The following DYNC2I1 variants were observed in gnomAD, a reference collection of about 807,000 sequenced individuals.
DYNC2I1 encodes the protein cytoplasmic dynein 2 intermediate chain 1.
A neutral mutation model predicts 133.4 loss-of-function variants in DYNC2I1; 89 were observed. That is an observed-to-expected ratio of 0.67 (90% CI 0.56 to 0.80). The LOEUF is 0.80. DYNC2I1 is among the 30% of genes least tolerant of loss of function. The probability of loss-of-function intolerance (pLI) is 0.00; values close to 1 mark genes in which losing one functional copy is unlikely to be tolerated. For synonymous variants in DYNC2I1, 504 were observed against 484.3 expected (o/e 1.04, Z -0.54); for missense variants, 1,291 against 1,314.5 (o/e 0.98, Z 0.28).
chr7:158,945,530 G>C lies in DYNC2I1; in HGVS notation c.3003-51G>C. 2.0e-6 allele frequency: 3 copies of C among 1,535,812 alleles called. 1 individual carries two copies. The South Asian group carries it at 3.6e-5, about 19-fold the overall frequency. ...ACATTTTGAAGACTCAGACAGAACC[G>C]AATGTCCCTTTGTGTGCACTGACCC... On this transcript the variant is annotated intron_variant, in intron 24 of 24. Coordinates refer to ENST00000407559, the MANE Select transcript of DYNC2I1 (RefSeq NM_018051.5). This position sits in a 1 kb window ranked among gnomAD's most constrained non-coding sequence, Gnocchi z 4.1.
chr7:158,923,766 G>A (rs746419034), intron 17 of DYNC2I1, 33 bp downstream of exon 17: 16 of 1,583,936 alleles, frequency 1.0e-5, no homozygotes, highest in African/African-American at 1.4e-5. Context: ...TTGTGTGTCT[G>A]CTAGAAAAGC....
intron 4 of DYNC2I1, among the ~76,000 whole-genome samples, chr7:158,951,917 T>G (rs144348332): frequency 3.3e-5 from 5 of 152,178 alleles, no homozygotes; most frequent in African/African-American, 1.2e-4. Flanking sequence ...TTCTGGAGCC[T>G]CCGTGTTGAC....
At chr7:158,887,542 G>A (rs1313164893) in intron 7 of DYNC2I1, among the ~76,000 whole-genome samples, 5 of 152,192 alleles carry the variant, frequency 3.3e-5, no homozygotes, top group Non-Finnish European at 7.3e-5. Context: ...CCCACTTTCA[G>A]TAACAGGTAG....
intron 23 of DYNC2I1, among the ~76,000 whole-genome samples, chr7:158,935,713 G>C (rs887156703): frequency 9.9e-5 from 15 of 152,216 alleles, no homozygotes; most frequent in African/African-American, 3.6e-4. Context: ...GCTGGGATGT[G>C]CTGGAGGTGT....
In DYNC2I1 at chr7:158,879,917, T is replaced by A. The variant is rs776758921; in HGVS notation, c.807T>A (p.Asp269Glu). The change falls in exon 5 of 25, where the codon GAT becomes GAA. Residue 269 changes from aspartate to glutamate, a missense_variant. By Grantham distance (45) the Asp-to-Glu change is conservative. Coordinates refer to ENST00000407559, the MANE Select transcript of DYNC2I1 (RefSeq NM_018051.5). ...KRHKEGFHFD[D>E]ERHQSNVDRK... is the part of the protein sequence containing the mutation. ...ACAAAGAAGGTTTTCATTTTGATGA[T>A]GAGAGGCACCAAAGCAACGTGGATA... is the stretch of plus-strand genomic sequence containing the variant. 1.9e-6 allele frequency: 3 copies of A among 1,612,532 alleles called. No individual in the cohort carries two copies. The highest frequency in any genetic ancestry group is 3.4e-5 in the Admixed American group (2 of 59,542).
chr7:158,876,680 C>T lies in DYNC2I1; in HGVS notation c.562C>T (p.Arg188Ter), dbSNP rs750540944. The change falls in exon 4 of 25, where the codon CGA becomes TGA. Residue 188 changes from arginine (R) to a stop codon, truncating the protein, a stop_gained. Transcript: ENST00000407559. LOFTEE classifies it high-confidence loss of function. ...AGATGAAGATAGAGAAAGAAGATACCGAGAAAGAAAGGTATACGAAGCAAG... is the reference window on the plus strand; with the variant it reads ...AGATGAAGATAGAGAAAGAAGATACTGAGAAAGAAAGGTATACGAAGCAAG... ...RGDEDRERRY[R>*]ERKLQYGDSK... is the part of the protein sequence containing the mutation. 6.4e-6 allele frequency: 10 copies of T among 1,564,142 alleles called. No individual in the cohort carries two copies. Among genetic ancestry groups the T allele is most frequent in the East Asian group, 2.3e-5 (1 of 43,056 alleles).
intron 5 of DYNC2I1, 65 bp downstream of exon 5, chr7:158,880,054 T>C: frequency 6.6e-7 from 1 of 1,520,826 alleles, no homozygotes; most frequent in Middle Eastern, 1.8e-4. Flanking sequence ...AGAGGAGGCT[T>C]ACCGGGCGGT....
intron 5 of DYNC2I1, 103 bp from the exon 6 acceptor site, chr7:158,884,461 G>A (rs903423647): frequency 1.9e-6 from 2 of 1,053,386 alleles, no homozygotes; most frequent in African/African-American, 1.6e-5. Context: ...ACATGCTGTT[G>A]TTAAATTTTG....
rs778102381 is a variant in DYNC2I1, at chr7:158,871,313, C to T, written c.241C>T (p.Arg81Cys). 32 of 1,566,588 alleles carry T rather than the reference C, an allele frequency of 2.0e-5. No homozygotes were observed. Among genetic ancestry groups the T allele is most frequent in the Middle Eastern group, 1.7e-4 (1 of 6,000 alleles). Residue 81 changes from arginine (R) to cysteine (C), a missense_variant, in exon 3 of 25, where the codon CGT becomes TGT. By Grantham distance (180) the Arg-to-Cys change is radical. Coordinates refer to ENST00000407559, the MANE Select transcript of DYNC2I1 (RefSeq NM_018051.5). The stretch of plus-strand genomic sequence containing the variant: ...AGTCCACACCGCTAAGGAGAGTCCT[C>T]GTGGGGAGAGGGACAGAGACAGACA... ...AEVHTAKESP[R>C]GERDRDRQRE...
At chr7:158,892,992 C>T (rs1845383849) in intron 8 of DYNC2I1, among the ~76,000 whole-genome samples, 1 of 151,918 alleles carries the variant, frequency 6.6e-6, no homozygotes, top group Non-Finnish European at 1.5e-5. Flanking sequence ...CATATACCCC[C>T]TCGCCCCCAC....
chr7:158,925,620 T>G (rs187078468), intron 17 of DYNC2I1, among the ~76,000 whole-genome samples: 2 of 152,222 alleles, frequency 1.3e-5, no homozygotes, highest in African/African-American at 2.4e-5. Flanking sequence ...CTTTATTGAT[T>G]GGCGACAGGT....
At chr7:158,880,043 C>T in intron 5 of DYNC2I1, 54 bp downstream of exon 5, 3 of 1,528,726 alleles carry the variant, frequency 2.0e-6, no homozygotes, top group South Asian at 2.7e-5. Context: ...CCGGCGCTTT[C>T]AGAGGAGGCT....
intron 11 of DYNC2I1, 52 bp from the exon 12 acceptor site, chr7:158,911,495 TCCC>T (rs777211101): frequency 1.3e-5 from 21 of 1,583,250 alleles, no homozygotes; most frequent in Admixed American, 1.8e-5. Context: ...TCCCTACACT[TCCC>T]CACGTATATT....
chr7:158,934,455 T>C lies in DYNC2I1; in HGVS notation c.2684T>C (p.Val895Ala). 6.3e-7 allele frequency: 1 copy of C among 1,596,924 alleles called. No homozygotes were observed. Among genetic ancestry groups the C allele is most frequent in the Non-Finnish European group, 8.5e-7 (1 of 1,171,220 alleles). Residue 895 changes from valine to alanine, a missense_variant, in exon 23 of 25, where the codon GTG (valine) becomes GCG (alanine). Val to Ala is a moderately conservative substitution (Grantham distance 64). Transcript: ENST00000407559. ...CATGGCACAAGACAAGATTTGAGAG[T>C]GGCTCCCAAACTATTCAAACCTCAG... The part of the protein sequence containing the change: ...ISHGTRQDLR[V>A]APKLFKPQQH...
intron 15 of DYNC2I1, among the ~76,000 whole-genome samples, chr7:158,921,767 G>A (rs770859561): frequency 2.6e-5 from 4 of 152,172 alleles, no homozygotes; most frequent in African/African-American, 4.8e-5. Flanking sequence ...CCAGCGGTGC[G>A]GTCCAGTTCT....
chr7:158,942,131 G>A lies in DYNC2I1; in HGVS notation c.2985G>A (p.Gln995=), dbSNP rs534300999. The A allele has an allele frequency of 2.0e-4, 316 of 1,557,652 alleles. 2 individuals are homozygous for A. In the South Asian group the frequency reaches 3.5e-3, roughly 17 times the overall value. Reference sequence around the variant, plus strand: ...GCGATCTGGGTCCTGTCGCCAAACAGCAGGTCTCCCCCAACAGGCAAGTGG... The same window carrying A: ...GCGATCTGGGTCCTGTCGCCAAACAACAGGTCTCCCCCAACAGGCAAGTGG... ...LQSDLGPVAK[Q]QVSPNRLVAM... The change falls in exon 24 of 25, where the codon CAG becomes CAA. Residue 995 remains glutamine (Q), a synonymous_variant. Transcript: ENST00000407559.
chr7:158,903,355 A>T (rs983270696), intron 10 of DYNC2I1: 4 of 152,218 alleles, frequency 2.6e-5, no homozygotes, highest in African/African-American at 9.7e-5. Flanking sequence ...CATTCTGATA[A>T]AACATGGGCA....
Position 158,944,679 on chromosome 7 carries a change from AT to A in DYNC2I1, c.3003-898del, listed in dbSNP as rs945303712. Among the ~76,000 whole-genome samples, 59 of 152,050 alleles carry A rather than the reference AT, an allele frequency of 3.9e-4. 1 individual carries two copies. The highest frequency in any genetic ancestry group is 3.5e-3 in the Admixed American group (53 of 15,280). On this transcript the variant is annotated intron_variant, in intron 24 of 24. Transcript: ENST00000407559. The stretch of plus-strand genomic sequence containing the variant: ...TCAGGTAGCTGTCAGGTTGGATGTG[AT>A]TTTCACCCCTGTAGTGACAAGGGCA...
chr7:158,856,695 G>C lies in DYNC2I1; in HGVS notation c.-41G>C. 5 of 1,232,500 alleles carry C rather than the reference G, an allele frequency of 4.1e-6. No individual in the cohort carries two copies. The highest frequency in any genetic ancestry group is 5.1e-6 in the Non-Finnish European group (5 of 986,902). 76.3% of individuals were successfully genotyped at this position (1,232,500 alleles called of 1,614,324 possible). On this transcript the variant is annotated 5_prime_UTR_variant, in exon 1 of 25. Coordinates refer to ENST00000407559, the MANE Select transcript of DYNC2I1 (RefSeq NM_018051.5). ...TCTTCGGGGTGGACCGCGCCTGGCC[G>C]GGGCCGAGGACACCGCGGCCGCCCG...
Sources: allele counts gnomAD v4.1 joint callset (sites outside exome capture counted in the v4.1 genomes callset), GRCh38; gene constraint gnomAD v4.1.1; non-coding constraint Gnocchi (gnomAD v3.1); transcripts MANE v1.5; gene names NCBI Gene and HGNC (gene_info 2026-07-23, HGNC 2026-07-21).